Variants in FAT4 observed in about 807,000 individuals in gnomAD.
FAT4 encodes protocadherin Fat 4.
Under a neutral mutation model 303.9 loss-of-function variants are expected in FAT4, and 84 were observed. The observed-to-expected ratio is 0.28, with a 90% CI of 0.23 to 0.33. FAT4 has a LOEUF of 0.33. FAT4 is among the 10% of genes least tolerant of loss of function. The pLI is 1.00. For synonymous variants in FAT4, 2,307 were observed against 2,298.8 expected, an observed-to-expected ratio of 1.00 and a Z score of -0.10; for missense variants, 6,005 against 6,146.8, an observed-to-expected ratio of 0.98 and a Z score of 0.77.
At chr4:125,353,070 G>C (rs972312) in intron 2 of FAT4, among the ~76,000 whole-genome samples, 11,625 of 151,702 alleles carry the variant, frequency 0.077, 553 homozygotes, top group South Asian at 0.16. Context: ...AATTTTAGCA[G>C]ATTGTAAATT....
intron 3 of FAT4, among the ~76,000 whole-genome samples, chr4:125,400,232 A>G (rs1734332913): frequency 6.6e-6 from 1 of 151,992 alleles, no homozygotes; most frequent in African/African-American, 2.4e-5. Context: ...TATAATAGAT[A>G]TTCTAATGGG....
intron 7 of FAT4, among the ~76,000 whole-genome samples, chr4:125,424,891 A>G (rs184948750): frequency 3.3e-4 from 50 of 152,318 alleles, no homozygotes; most frequent in Admixed American, 2.7e-3. Context: ...GGAAGCTGCA[A>G]AAAGGCACGA....
intron 2 of FAT4, among the ~76,000 whole-genome samples, chr4:125,392,953 A>C (rs1203952627): frequency 2.6e-5 from 4 of 152,142 alleles, no homozygotes; most frequent in African/African-American, 4.8e-5. Flanking sequence ...TAGATAAATC[A>C]CTTGACATTT....
At chr4:125,393,837 T>C (rs930943197) in intron 2 of FAT4, 2 of 647,766 alleles carry the variant, frequency 3.1e-6, no homozygotes, top group South Asian at 1.9e-5. Flanking sequence ...ATCTCAGTCA[T>C]GTGTTTGTCT....
chr4:125,388,268 G>A (rs1453821192), intron 2 of FAT4, among the ~76,000 whole-genome samples: 2 of 152,158 alleles, frequency 1.3e-5, no homozygotes, highest in African/African-American at 4.8e-5. Context: ...TTGTTTATGG[G>A]GAGGGGTAAC....
Position 125,415,626 on chromosome 4 carries a change from G to A in FAT4, c.6663G>A (p.Lys2221=). 2 of 1,613,986 alleles carry A rather than the reference G, an allele frequency of 1.2e-6. No individual in the cohort carries two copies. The highest frequency in any genetic ancestry group is 1.7e-6 in the Non-Finnish European group (2 of 1,179,964). Residue 2221 remains lysine (K), a synonymous_variant, in exon 6 of 18, where the codon AAG becomes AAA. Transcript: ENST00000394329. ...ITVAKPLDRE[K]TPTYHLTVQA... is the part of the protein sequence containing the mutation. ...TCGCTAAACCTTTGGATAGAGAAAA[G>A]ACCCCTACCTACCATTTAACTGTTC... is the stretch of plus-strand genomic sequence containing the variant.
intron 7 of FAT4, among the ~76,000 whole-genome samples, chr4:125,427,777 A>C (rs1474686428): frequency 6.6e-6 from 1 of 152,202 alleles, no homozygotes; most frequent in African/African-American, 2.4e-5. Context: ...GTCAAGAAAG[A>C]AAATGGCTTT....
chr4:125,478,634 C>T (rs1727116101), intron 14 of FAT4, among the ~76,000 whole-genome samples: 1 of 152,012 alleles, frequency 6.6e-6, no homozygotes, highest in African/African-American at 2.4e-5. Context: ...TGGGTTCAAG[C>T]AATTATCTGC....
chr4:125,325,739 AC>A (rs1731126359), intron 2 of FAT4, among the ~76,000 whole-genome samples: 1 of 152,194 alleles, frequency 6.6e-6, no homozygotes, highest in Non-Finnish European at 1.5e-5. Context: ...AAACTTATTT[AC>A]CTTTTTAAAT....
At chr4:125,472,121 C>A (rs1464322975) in intron 12 of FAT4, among the ~76,000 whole-genome samples, 2 of 149,978 alleles carry the variant, frequency 1.3e-5, no homozygotes, top group African/African-American at 2.4e-5. Context: ...ATAATTCACC[C>A]TAGATAAAGG....
At chr4:125,407,547 G>A (rs936154486) in intron 4 of FAT4, among the ~76,000 whole-genome samples, 38 of 151,982 alleles carry the variant, frequency 2.5e-4, no homozygotes, top group Admixed American at 2.2e-3. Context: ...CCAACGGCAA[G>A]TTAATTCATT....
At chr4:125,426,561 T>C (rs1725095164) in intron 7 of FAT4, among the ~76,000 whole-genome samples, 1 of 152,074 alleles carries the variant, frequency 6.6e-6, no homozygotes, top group South Asian at 2.1e-4. Context: ...TTCTAAATCA[T>C]TTATTTAAAT....
At position 125,319,385 on chromosome 4, in the gene FAT4, A is replaced by G. The variant is rs1005545559; in HGVS notation, c.2974A>G (p.Asn992Asp). The G allele has an allele frequency of 6.2e-7, 1 of 1,613,198 alleles. No homozygotes were observed. Among genetic ancestry groups the G allele is most frequent in the South Asian group, 1.1e-5 (1 of 91,076 alleles). Residue 992 changes from asparagine to aspartate, a missense_variant, in exon 2 of 18, where the codon AAT becomes GAT. Transcript: ENST00000394329. Reference protein sequence around the residue: ...LTVYVHDVNDNSPVFDQLSYE... With the variant: ...LTVYVHDVNDDSPVFDQLSYE... ...AGTTTATGTCCATGATGTAAATGACAATTCACCAGTGTTTGACCAACTCTC... is the reference window on the plus strand; with the variant it reads ...AGTTTATGTCCATGATGTAAATGACGATTCACCAGTGTTTGACCAACTCTC...
intron 13 of FAT4, 91 bp downstream of exon 13, chr4:125,476,347 G>A: frequency 1.9e-6 from 1 of 529,990 alleles, no homozygotes; most frequent in East Asian, 3.6e-5. Context: ...ATGCTAAGTA[G>A]TACATAAAGC....
At chr4:125,442,947 A>G (rs1257345392) in intron 8 of FAT4, among the ~76,000 whole-genome samples, 1 of 2,262 alleles carries the variant, frequency 4.4e-4, no homozygotes, top group East Asian at 0.12. Context: ...AAAACTACCA[A>G]ATAAAAAGTA....
chr4:125,490,634 C>A lies in FAT4; in HGVS notation c.13818C>A (p.Thr4606=). The A allele has an allele frequency of 2.5e-6, 4 of 1,614,122 alleles. No homozygotes were observed. Among genetic ancestry groups the A allele is most frequent in the Non-Finnish European group, 3.4e-6 (4 of 1,180,006 alleles). Residue 4606 remains threonine, a synonymous_variant, in exon 18 of 18, where the codon ACC becomes ACA. Coordinates refer to ENST00000394329, the MANE Select transcript of FAT4 (RefSeq NM_001291303.3). ...DETDIPHNSE[T]IPSAPLASPE... ...CTGATATTCCTCACAACTCAGAAAC[C>A]ATCCCCAGCGCCCCTTTGGCATCTC...
At position 125,319,466 on chromosome 4, in the gene FAT4, C is replaced by A. The variant is rs761032436; in HGVS notation, c.3055C>A (p.Gln1019Lys). The change falls in exon 2 of 18, where the codon CAA (glutamine) becomes AAA (lysine). Residue 1019 changes from glutamine (Q) to lysine (K), a missense_variant. Coordinates refer to ENST00000394329, the MANE Select transcript of FAT4 (RefSeq NM_001291303.3). ...TGTGAATTCTCGATTCTTTAAAGTA[C>A]AAGCTTCTGATAAGGATTCAGGAGC... ...EPVNSRFFKV[Q>K]ASDKDSGANG... The A allele has an allele frequency of 1.2e-5, 19 of 1,613,166 alleles. No individual in the cohort carries two copies. The South Asian group carries it at 1.8e-4, about 15-fold the overall frequency.
chr4:125,440,404 G>C (rs963056237), intron 8 of FAT4, among the ~76,000 whole-genome samples: 8 of 151,436 alleles, frequency 5.3e-5, no homozygotes, highest in African/African-American at 1.9e-4. Flanking sequence ...TTTTTGCAAT[G>C]TTCACACTAC....
In FAT4 at chr4:125,450,095, A is replaced by G. The variant is rs1167570880; in HGVS notation, c.9085A>G (p.Asn3029Asp). 1 of 1,613,698 alleles carries G rather than the reference A, an allele frequency of 6.2e-7. No homozygotes were observed. The highest frequency in any genetic ancestry group is 1.3e-5 in the African/African-American group (1 of 74,920). ...AGTGGAGTATTTCATTTCTAATGAT[A>G]ACCATTTAGGAAAATTTAAGTTGGA... ...SEVEYFISNDNHLGKFKLDND... is the reference protein window; with the variant it reads ...SEVEYFISNDDHLGKFKLDND... The change falls in exon 10 of 18, where the codon AAC becomes GAC. Residue 3029 changes from asparagine to aspartate, a missense_variant. By Grantham distance (23) the Asn-to-Asp change is conservative. Coordinates refer to ENST00000394329, the MANE Select transcript of FAT4 (RefSeq NM_001291303.3).
Sources: allele counts gnomAD v4.1 joint callset (sites outside exome capture counted in the v4.1 genomes callset), GRCh38; gene constraint gnomAD v4.1.1; transcripts MANE v1.5; gene names NCBI Gene and HGNC (gene_info 2026-07-23, HGNC 2026-07-21).